Variants in ZC3H12B observed in about 807,000 individuals in gnomAD.
ZC3H12B encodes probable ribonuclease ZC3H12B.
In ZC3H12B, 7 loss-of-function variants were observed where a neutral mutation model predicts 43.9. The observed-to-expected ratio is 0.16, with a 90% confidence interval of 0.09 to 0.30. The LOEUF is 0.30. Among genes scored for constraint, ZC3H12B ranks in the 10% least tolerant of loss-of-function variants. The probability of loss-of-function intolerance (pLI) is 1.00; values close to 1 mark genes in which losing one functional copy is unlikely to be tolerated. For missense variants in ZC3H12B, 475 were observed against 670.2 expected (o/e 0.71, Z 3.22); for synonymous variants, 222 against 241.7 (o/e 0.92, Z 0.76).
At chrX:65,308,936 C>A in the ZC3H12B span, among the ~76,000 whole-genome samples, 1 of 111,703 alleles carries the variant, frequency 9.0e-6, no homozygotes, top group Non-Finnish European at 1.9e-5. Flanking sequence ...TTCTTTGAAA[C>A]CAATGAGAAC....
chrX:65,193,281 T>C, the ZC3H12B span, among the ~76,000 whole-genome samples: 18 of 111,063 alleles, frequency 1.6e-4, no homozygotes, highest in East Asian at 4.5e-3. Flanking sequence ...GTGAAGCCAA[T>C]TTGCTGGAAG....
the ZC3H12B span, among the ~76,000 whole-genome samples, chrX:65,079,761 C>G: frequency 9.0e-6 from 1 of 111,471 alleles, no homozygotes; most frequent in Non-Finnish European, 1.9e-5. Context: ...AAAGAACAAA[C>G]AAGCTCAGAC....
the ZC3H12B span, among the ~76,000 whole-genome samples, chrX:65,356,244 G>C: frequency 2.2e-4 from 25 of 111,369 alleles, no homozygotes; most frequent in Non-Finnish European, 2.3e-4. Context: ...TGTTTTGTGG[G>C]CATAAAATTG....
chrX:65,257,414 G>A, the ZC3H12B span, among the ~76,000 whole-genome samples: 1 of 110,603 alleles, frequency 9.0e-6, no homozygotes, highest in Non-Finnish European at 1.9e-5. Context: ...GAGAACACTT[G>A]GACACAGGGC....
Position 65,478,877 on chromosome X carries a change from C to G in ZC3H12B, n.408-9769C>G, listed in dbSNP as rs916410554. 2.7e-5 allele frequency among the ~76,000 whole-genome samples: 3 copies of G among 112,372 alleles called. No individual in the cohort carries two copies. In the Admixed American group the frequency reaches 2.8e-4, roughly 11 times the overall value. Reference sequence around the variant, plus strand: ...AGGAATATGTGGAAGCTTTTCAAAGCCCCTTATGGACATCTGATTCCCAGC... The same window carrying G: ...AGGAATATGTGGAAGCTTTTCAAAGGCCCTTATGGACATCTGATTCCCAGC... On this transcript the variant is annotated intron_variant and non_coding_transcript_variant, in intron 3 of 5. Transcript: ENST00000617377.
At chrX:65,188,092 C>T in the ZC3H12B span, among the ~76,000 whole-genome samples, 3 of 111,355 alleles carry the variant, frequency 2.7e-5, no homozygotes, top group African/African-American at 9.8e-5. Context: ...TTTCACTTAA[C>T]ATAATGACCT....
At chrX:65,241,293 G>A in the ZC3H12B span, among the ~76,000 whole-genome samples, 3 of 111,559 alleles carry the variant, frequency 2.7e-5, no homozygotes, top group Non-Finnish European at 5.7e-5. Context: ...AGTGAGGAGG[G>A]ATGGATTGGG....
the ZC3H12B span, among the ~76,000 whole-genome samples, chrX:65,038,246 G>A: frequency 9.0e-6 from 1 of 111,322 alleles, no homozygotes; most frequent in Non-Finnish European, 1.9e-5. Context: ...TACACCTTCT[G>A]TACCTTTTTT....
At chrX:65,193,425 A>G in the ZC3H12B span, among the ~76,000 whole-genome samples, 2 of 111,797 alleles carry the variant, frequency 1.8e-5, no homozygotes, top group African/African-American at 6.5e-5. Context: ...TTATTGGCAC[A>G]TAGTTGCTCA....
At chrX:65,284,523 AG>A in the ZC3H12B span, among the ~76,000 whole-genome samples, 1 of 111,905 alleles carries the variant, frequency 8.9e-6, no homozygotes, top group East Asian at 2.8e-4. Context: ...GCACTTTGGG[AG>A]GCTGAGGCAG....
At chrX:65,125,831 C>T in the ZC3H12B span, among the ~76,000 whole-genome samples, 47 of 111,076 alleles carry the variant, frequency 4.2e-4, no homozygotes, top group East Asian at 5.4e-3. Flanking sequence ...TATCTTTTTC[C>T]ACCCCTTTAT....
the ZC3H12B span, among the ~76,000 whole-genome samples, chrX:65,281,938 C>T: frequency 2.7e-5 from 3 of 111,436 alleles, no homozygotes; most frequent in African/African-American, 6.5e-5. Context: ...ATCCCTAGGA[C>T]GCAAGGACGG....
At chrX:65,211,787 A>C in the ZC3H12B span, among the ~76,000 whole-genome samples, 2 of 82,129 alleles carry the variant, frequency 2.4e-5, no homozygotes, top group Non-Finnish European at 4.3e-5. Context: ...AATATATTAT[A>C]AATATTATGT....
chrX:65,394,474 CTTGT>C (rs2066669379), intron 2 of ZC3H12B, among the ~76,000 whole-genome samples: 1 of 112,057 alleles, frequency 8.9e-6, no homozygotes, highest in Non-Finnish European at 1.9e-5. Context: ...TTCCCTATTG[CTTGT>C]TTTTGTCAGG....
At chrX:65,153,930 G>A in the ZC3H12B span, among the ~76,000 whole-genome samples, 2 of 110,839 alleles carry the variant, frequency 1.8e-5, no homozygotes, top group African/African-American at 6.6e-5. Flanking sequence ...GTCCTTTGTA[G>A]GGACATGGAT....
the ZC3H12B span, among the ~76,000 whole-genome samples, chrX:65,067,325 TGTA>T: frequency 8.9e-6 from 1 of 111,773 alleles, no homozygotes; most frequent in East Asian, 2.8e-4. Flanking sequence ...GTGGGAAAAG[TGTA>T]GTATCTGGGC....
At chrX:65,207,294 T>G in the ZC3H12B span, among the ~76,000 whole-genome samples, 1 of 108,466 alleles carries the variant, frequency 9.2e-6, no homozygotes, top group Non-Finnish European at 1.9e-5. Flanking sequence ...CGTGGTCTAC[T>G]ACTCACCCAT....
the ZC3H12B span, among the ~76,000 whole-genome samples, chrX:65,145,733 C>T: frequency 1.1e-3 from 125 of 111,481 alleles, no homozygotes; most frequent in Middle Eastern, 0.037. Flanking sequence ...ATATTTCCTT[C>T]ATTTATGAAG....
intron 2 of ZC3H12B, among the ~76,000 whole-genome samples, chrX:65,375,550 A>C (rs1431096318): frequency 8.9e-6 from 1 of 112,055 alleles, no homozygotes; most frequent in Middle Eastern, 4.2e-3. Flanking sequence ...CCACTTGTGG[A>C]AATGAGAGGG....
Sources: gnomAD v4.1 joint callset for allele counts (sites outside exome capture counted in the v4.1 genomes callset) on GRCh38, gnomAD v4.1.1 for gene constraint, MANE v1.5 for transcripts, NCBI Gene and HGNC (gene_info 2026-07-23, HGNC 2026-07-21) for gene names.